USP6NL: variants seen among roughly 807,000 people sequenced by gnomAD.
USP6NL encodes the protein USP6 N-terminal-like protein.
Under a neutral mutation model 61.9 loss-of-function variants are expected in USP6NL, and 26 were observed. The ratio of observed to expected loss-of-function variants is 0.42; its 90% confidence interval spans 0.31 to 0.58. The LOEUF is 0.58. Among genes scored for constraint, USP6NL ranks in the 20% least tolerant of loss-of-function variants. The pLI is 0.16. For synonymous variants in USP6NL, 432 were observed against 390.1 expected (o/e 1.11, Z -1.27); for missense variants, 1,114 against 1,034.3 (o/e 1.08, Z -1.06).
chr10:11,475,009 A>G (rs1364387580), intron 14 of USP6NL, among the ~76,000 whole-genome samples: 1 of 152,178 alleles, frequency 6.6e-6, no homozygotes, highest in Admixed American at 6.5e-5. Flanking sequence ...TCTGAGAAAA[A>G]TCTTTGATTC....
chr10:11,493,062 T>TTTA, intron 8 of USP6NL, 57 bp downstream of exon 8: 1 of 1,459,296 alleles, frequency 6.9e-7, no homozygotes, highest in Non-Finnish European at 9.4e-7. Context: ...TAATTTTAAG[T>TTTA]TAATAAAGAC....
Position 11,463,983 on chromosome 10 carries a change from AACACACTGTTTATACCACTTAC to A in USP6NL, c.1079-156_1079-135del, listed in dbSNP as rs1185177863. The A allele has an allele frequency of 3.4e-6, 3 of 873,940 alleles. No homozygotes were observed. The highest frequency in any genetic ancestry group is 2.7e-5 in the East Asian group (1 of 37,032). 54.1% of individuals were successfully genotyped at this position (873,940 alleles called of 1,614,324 possible). A position where few individuals can be genotyped will look rare whatever the true frequency, so the allele number is the denominator to read the frequency against. ...GCTGACATACAACACACTGTCATAC[AACACACTGTTTATACCACTTAC>A]ACACACTGTTTATACCACAGAAAGT... On this transcript the variant is annotated intron_variant, in intron 14 of 14. Transcript: ENST00000609104. The surrounding 1 kb of genome is among the most constrained non-coding windows in gnomAD (Gnocchi z 6.3).
chr10:11,530,313 A>G (rs1477037755), intron 2 of USP6NL, among the ~76,000 whole-genome samples: 1 of 152,108 alleles, frequency 6.6e-6, no homozygotes, highest in East Asian at 1.9e-4. Flanking sequence ...CTTCCAACAT[A>G]ACAATGGAAA....
At chr10:11,502,299 T>G (rs976449022) in intron 6 of USP6NL, among the ~76,000 whole-genome samples, 1 of 151,420 alleles carries the variant, frequency 6.6e-6, no homozygotes, top group Admixed American at 6.6e-5. Flanking sequence ...ATCAACTCCC[T>G]CCATCCTTGA....
intron 13 of USP6NL, 72 bp downstream of exon 13, chr10:11,484,899 G>A (rs2133237718): frequency 8.5e-7 from 1 of 1,180,792 alleles, no homozygotes; most frequent in South Asian, 1.7e-5. Flanking sequence ...TGAAGTGGGT[G>A]GGGAATGAGA....
chr10:11,480,807 T>G (rs1323781561), intron 14 of USP6NL, among the ~76,000 whole-genome samples: 3 of 152,190 alleles, frequency 2.0e-5, no homozygotes, highest in Non-Finnish European at 4.4e-5. Context: ...ATAACTGACT[T>G]TCTTTACTTT....
At chr10:11,501,411 G>A (rs1397404057) in intron 6 of USP6NL, among the ~76,000 whole-genome samples, 1 of 152,182 alleles carries the variant, frequency 6.6e-6, no homozygotes, top group East Asian at 1.9e-4. Flanking sequence ...AAGAAGGAGA[G>A]AGTATAACAA....
rs1824442086 is a variant in USP6NL at position 11,600,456 on chromosome 10, T to C, written c.-83-2739A>G. ...AAACTCAACAGAGAGCGCAGACCAG[T>C]GAGCTAGAAAGAAACGTCTGGTGTT... On this transcript the variant is annotated intron_variant, in intron 1 of 14. Transcript: ENST00000609104. The surrounding 1 kb of genome is among the most constrained non-coding windows in gnomAD (Gnocchi z 4.1). Among the ~76,000 whole-genome samples the C allele has an allele frequency of 6.6e-6, 1 of 152,174 alleles. No homozygotes were observed. The highest frequency in any genetic ancestry group is 2.4e-5 in the African/African-American group (1 of 41,440).
In USP6NL at chr10:11,589,239, GAATT is replaced by G. The variant is rs1838079022; in HGVS notation, c.4+8388_4+8391del. 6.6e-6 allele frequency among the ~76,000 whole-genome samples: 1 copy of G among 152,160 alleles called. No individual in the cohort carries two copies. The highest frequency in any genetic ancestry group is 1.5e-5 in the Non-Finnish European group (1 of 68,012). ...CCTACTAGTCACATTATAGTGGTCT[GAATT>G]AACCACTTAGCATGTAAATTTCTGT... is the stretch of plus-strand genomic sequence containing the variant. On this transcript the variant is annotated intron_variant, in intron 2 of 14. Coordinates refer to ENST00000609104, the MANE Select transcript of USP6NL (RefSeq NM_014688.5). This position sits in a 1 kb window ranked among gnomAD's most constrained non-coding sequence, Gnocchi z 4.7.
At chr10:11,483,321 TAATC>T (rs934187069) in intron 13 of USP6NL, among the ~76,000 whole-genome samples, 70 of 151,672 alleles carry the variant, frequency 4.6e-4, no homozygotes, top group African/African-American at 1.7e-3. Flanking sequence ...TTGTCAAAAT[TAATC>T]AAGGGTCATA....
intron 2 of USP6NL, among the ~76,000 whole-genome samples, chr10:11,588,837 G>A (rs1838065158): frequency 6.6e-6 from 1 of 151,930 alleles, no homozygotes; most frequent in African/African-American, 2.4e-5. Flanking sequence ...CAGAGATACT[G>A]CTAAGGAATC....
chr10:11,504,176 T>A (rs1834334228), intron 6 of USP6NL, among the ~76,000 whole-genome samples: 1 of 152,230 alleles, frequency 6.6e-6, no homozygotes, highest in South Asian at 2.1e-4. Flanking sequence ...TTATGCTGTT[T>A]TTCAAATACT....
rs957597745 is a variant in USP6NL, at chr10:11,470,508, A to T, written c.1079-6659T>A. 6.6e-6 allele frequency among the ~76,000 whole-genome samples: 1 copy of T among 152,224 alleles called. No individual in the cohort carries two copies. The highest frequency in any genetic ancestry group is 1.5e-5 in the Non-Finnish European group (1 of 68,036). ...TGTAAGAAGGACGAATGCCATCACC[A>T]GTAACATTTTTATATGCCAATTAGT... On this transcript the variant is annotated intron_variant, in intron 14 of 14. Transcript: ENST00000609104. This position sits in a 1 kb window ranked among gnomAD's most constrained non-coding sequence, Gnocchi z 5.4.
intron 6 of USP6NL, among the ~76,000 whole-genome samples, chr10:11,507,278 T>C (rs776477828): frequency 2.0e-5 from 3 of 152,240 alleles, no homozygotes; most frequent in Non-Finnish European, 4.4e-5. Flanking sequence ...ATCTACCCTG[T>C]AATTACCACT....
At chr10:11,584,550 C>G (rs957305266) in intron 2 of USP6NL, among the ~76,000 whole-genome samples, 1 of 152,174 alleles carries the variant, frequency 6.6e-6, no homozygotes, top group African/African-American at 2.4e-5. Context: ...CACTCTTCCC[C>G]CCTTTCTGAA....
intron 6 of USP6NL, among the ~76,000 whole-genome samples, chr10:11,502,925 G>T (rs769721906): frequency 2.6e-5 from 4 of 152,098 alleles, no homozygotes; most frequent in African/African-American, 9.7e-5. Context: ...GTACAGAAAG[G>T]CTTCATGTTG....
At chr10:11,583,220 G>A (rs964396178) in intron 2 of USP6NL, among the ~76,000 whole-genome samples, 19 of 135,698 alleles carry the variant, frequency 1.4e-4, no homozygotes, top group Middle Eastern at 4.3e-3. Flanking sequence ...ACGGAGTCTC[G>A]CTCTGTCGCC....
intron 1 of USP6NL, among the ~76,000 whole-genome samples, chr10:11,608,730 G>A (rs1838785414): frequency 6.6e-6 from 1 of 152,146 alleles, no homozygotes; most frequent in Non-Finnish European, 1.5e-5. Context: ...TACACAGAAG[G>A]CACTCAAAAA....
intron 4 of USP6NL, among the ~76,000 whole-genome samples, chr10:11,524,158 T>C (rs1321025215): frequency 7.9e-5 from 12 of 152,168 alleles, no homozygotes; most frequent in Admixed American, 7.9e-4. Context: ...CTTCTGATTA[T>C]AGAGGTGGGA....
Sources: allele counts gnomAD v4.1 joint callset (sites outside exome capture counted in the v4.1 genomes callset), GRCh38; gene constraint gnomAD v4.1.1; non-coding constraint Gnocchi (gnomAD v3.1); transcripts MANE v1.5; gene names NCBI Gene and HGNC (gene_info 2026-07-23, HGNC 2026-07-21).